The following ETFA variants were observed in gnomAD, a reference collection of about 807,000 sequenced individuals.
ETFA encodes the protein electron transfer flavoprotein subunit alpha, also known as electron transfer flavoprotein subunit alpha, mitochondrial.
A neutral mutation model predicts 46.2 loss-of-function variants in ETFA; 22 were observed. The ratio of observed to expected loss-of-function variants is 0.48; its 90% CI spans 0.34 to 0.68. The LOEUF is 0.68. Ranked by LOEUF, ETFA falls within the 30% of genes least tolerant of loss-of-function variation. The probability of loss-of-function intolerance (pLI) is 0.01; values close to 1 mark genes in which losing one functional copy is unlikely to be tolerated. For missense variants in ETFA, 345 were observed against 401.1 expected, an observed-to-expected ratio of 0.86 and a Z score of 1.19; for synonymous variants, 131 against 139.9, an observed-to-expected ratio of 0.94 and a Z score of 0.45.
chr15:76,292,678 A>T lies in ETFA; in HGVS notation c.209T>A (p.Val70Glu). ...CACCAGAACTTTTGCTATGCCTGCT[A>T]CTTTACAGAGATCTTGTGCCACCTA... Reference protein sequence around the residue: ...CDKVAQDLCKVAGIAKVLVAQ... With the variant: ...CDKVAQDLCKEAGIAKVLVAQ... Residue 70 changes from valine to glutamate, a missense_variant, in exon 3 of 12, where the codon GTA (valine) becomes GAA (glutamate). By Grantham distance (121) the Val-to-Glu change is moderately radical. Coordinates refer to ENST00000557943, the MANE Select transcript of ETFA (RefSeq NM_000126.4). 6.2e-7 allele frequency: 1 copy of T among 1,612,954 alleles called. No individual in the cohort carries two copies.
intron 9 of ETFA, among the ~76,000 whole-genome samples, chr15:76,234,236 C>T (rs963941945): frequency 5.3e-5 from 8 of 152,032 alleles, no homozygotes; most frequent in South Asian, 2.1e-4. Context: ...GGGATTTTGG[C>T]GGCTGCTCTG....
At chr15:76,222,255 CA>C (rs1268886430) in intron 11 of ETFA, among the ~76,000 whole-genome samples, 5 of 142,984 alleles carry the variant, frequency 3.5e-5, no homozygotes, top group Non-Finnish European at 7.7e-5. Context: ...ACATAAAATA[CA>C]AAAAATAAAA....
In ETFA at chr15:76,263,895, C is replaced by A. The variant is rs548187503; in HGVS notation, c.816+10517G>T. Among the ~76,000 whole-genome samples the A allele has an allele frequency of 2.0e-5, 3 of 152,268 alleles. No homozygotes were observed. The East Asian group carries it at 5.8e-4, about 29-fold the overall frequency. ...ATGTTTTACTAGCCCATCAGCTCCA[C>A]CTGCTGAATTAAGTGAATGGCCACC... On this transcript the variant is annotated intron_variant, in intron 9 of 11. Coordinates refer to ENST00000557943, the MANE Select transcript of ETFA (RefSeq NM_000126.4).
At chr15:76,259,938 G>T in intron 9 of ETFA, 1 of 832,206 alleles carries the variant, frequency 1.2e-6, no homozygotes, top group Non-Finnish European at 1.9e-6. Context: ...CTGCTCCAGA[G>T]GCTCAGAGGC....
chr15:76,275,491 T>C (rs776561696), intron 8 of ETFA, among the ~76,000 whole-genome samples: 14 of 152,202 alleles, frequency 9.2e-5, no homozygotes, highest in Non-Finnish European at 1.3e-4. Context: ...TATGTATTTT[T>C]ATATTTAAAG....
chr15:76,253,610 A>C (rs2039321899), intron 9 of ETFA, among the ~76,000 whole-genome samples: 1 of 152,230 alleles, frequency 6.6e-6, no homozygotes, highest in African/African-American at 2.4e-5. Context: ...AAATTAAATA[A>C]GAATAAATGA....
rs955485653 is a variant in ETFA at position 76,260,638 on chromosome 15, G to A, written c.816+13774C>T. ...TCTTAAACCCAGGACAGTTTATAGG[G>A]TCCCAGGGGGCCTTCCAAAGGGCCC... On this transcript the variant is annotated intron_variant, in intron 9 of 11. Transcript: ENST00000557943. 3 of 1,537,836 alleles carry A rather than the reference G, an allele frequency of 2.0e-6. No individual in the cohort carries two copies. In the East Asian group the frequency reaches 6.9e-5, roughly 35 times the overall value.
chr15:76,270,442 T>C (rs2039517448), intron 9 of ETFA, among the ~76,000 whole-genome samples: 1 of 152,240 alleles, frequency 6.6e-6, no homozygotes, highest in Non-Finnish European at 1.5e-5. Context: ...AATGTAAATG[T>C]GTTTGTATAT....
intron 9 of ETFA, among the ~76,000 whole-genome samples, chr15:76,272,625 A>G (rs537019463): frequency 2.0e-5 from 3 of 152,148 alleles, no homozygotes; most frequent in African/African-American, 7.2e-5. Context: ...AAAGATTTCC[A>G]CAAATAATGT....
Position 76,216,534 on chromosome 15 carries a change from T to G in ETFA, c.*25A>C. On this transcript the variant is annotated 3_prime_UTR_variant, in exon 12 of 12. Transcript: ENST00000557943. ...TTCAGTGGAATACTTTAACAAAAGT[T>G]TTCTTTTTAAGGCATGATCCTGATT... is the stretch of plus-strand genomic sequence containing the variant. 7.1e-7 allele frequency: 1 copy of G among 1,410,052 alleles called. No individual in the cohort carries two copies. The highest frequency in any genetic ancestry group is 2.3e-5 in the East Asian group (1 of 43,926). The allele number at this position is 1,410,052 out of a possible 1,614,324, so 87.3% of individuals were successfully genotyped here.
intron 9 of ETFA, among the ~76,000 whole-genome samples, chr15:76,264,431 T>C (rs2039450042): frequency 6.6e-6 from 1 of 152,218 alleles, no homozygotes. Context: ...GTTGCCATTG[T>C]TCAGCTGTGC....
At chr15:76,236,745 G>A (rs1333053839) in intron 9 of ETFA, among the ~76,000 whole-genome samples, 1 of 152,134 alleles carries the variant, frequency 6.6e-6, no homozygotes, top group Non-Finnish European at 1.5e-5. Flanking sequence ...CAAATTTCAG[G>A]TGGTGTGGCC....
At position 76,283,796 on chromosome 15, in the gene ETFA, T is replaced by TA. The variant is rs754050501; in HGVS notation, c.693dup (p.Lys232Ter). On this transcript the variant is annotated frameshift_variant, in exon 8 of 12. Coordinates refer to ENST00000557943, the MANE Select transcript of ETFA (RefSeq NM_000126.4). LOFTEE classifies it high-confidence loss of function. ...TGATCTGCCAAGTCATATAACAACT[T>TA]AAAGTTCTCTCCACTCTTCAAGCCT... 18 of 1,612,320 alleles carry TA rather than the reference T, an allele frequency of 1.1e-5. No homozygotes were observed. Among genetic ancestry groups the TA allele is most frequent in the East Asian group, 2.2e-5 (1 of 44,812 alleles).
intron 9 of ETFA, among the ~76,000 whole-genome samples, chr15:76,268,025 T>C (rs934493563): frequency 6.6e-6 from 1 of 152,258 alleles, no homozygotes; most frequent in Admixed American, 6.5e-5. Flanking sequence ...TGCAATACTA[T>C]TGCACAAGAA....
intron 11 of ETFA, among the ~76,000 whole-genome samples, chr15:76,218,008 C>G (rs1183743862): frequency 6.6e-6 from 1 of 152,242 alleles, no homozygotes; most frequent in Non-Finnish European, 1.5e-5. Flanking sequence ...CACCACTTCT[C>G]CCAGCTTTCC....
chr15:76,249,417 C>T (rs943679113), intron 9 of ETFA, among the ~76,000 whole-genome samples: 38 of 149,412 alleles, frequency 2.5e-4, no homozygotes, highest in African/African-American at 9.1e-4. Flanking sequence ...CGTGAACCAC[C>T]ACGCCCAGTC....
chr15:76,257,040 T>C lies in ETFA; in HGVS notation c.816+17372A>G, dbSNP rs150774245. Among the ~76,000 whole-genome samples, 7 of 152,240 alleles carry C rather than the reference T, an allele frequency of 4.6e-5. No homozygotes were observed. The East Asian group carries it at 1.3e-3, about 29-fold the overall frequency. ...CATTTCTCAGAATATATCCCTATTGTTAAGTGATGCATGCCTATATTAACG... is the reference window on the plus strand; with the variant it reads ...CATTTCTCAGAATATATCCCTATTGCTAAGTGATGCATGCCTATATTAACG... On this transcript the variant is annotated intron_variant, in intron 9 of 11. Coordinates refer to ENST00000557943, the MANE Select transcript of ETFA (RefSeq NM_000126.4).
In ETFA at chr15:76,268,897, C is replaced by T. The variant is rs553800643; in HGVS notation, c.816+5515G>A. Among the ~76,000 whole-genome samples the T allele has an allele frequency of 2.6e-5, 4 of 152,326 alleles. No homozygotes were observed. The East Asian group carries it at 7.7e-4, about 29-fold the overall frequency. On this transcript the variant is annotated intron_variant, in intron 9 of 11. Coordinates refer to ENST00000557943, the MANE Select transcript of ETFA (RefSeq NM_000126.4). Reference sequence around the variant, plus strand: ...TTGGATTCAAAGTTGTGTTATGTTACTCTTAAATGCCATCTGGAGGGCAGA... The same window carrying T: ...TTGGATTCAAAGTTGTGTTATGTTATTCTTAAATGCCATCTGGAGGGCAGA...
intron 8 of ETFA, among the ~76,000 whole-genome samples, chr15:76,277,500 A>G (rs565760539): frequency 1.5e-4 from 1 of 6,610 alleles, no homozygotes; most frequent in African/African-American, 1.8e-4. Context: ...GTCAAAAACA[A>G]AAACAAAAAA....
Sources: gnomAD v4.1 joint callset for allele counts (sites outside exome capture counted in the v4.1 genomes callset) on GRCh38, gnomAD v4.1.1 for gene constraint, MANE v1.5 for transcripts, NCBI Gene and HGNC (gene_info 2026-07-23, HGNC 2026-07-21) for gene names.